Variants in STARD13 observed in about 807,000 individuals in gnomAD.
The protein encoded by STARD13 is StAR related lipid transfer domain containing 13, also known as stAR-related lipid transfer protein 13.
STARD13 carries 62 observed loss-of-function variants against 106.4 expected under a neutral mutation model. The observed-to-expected ratio is 0.58, with a 90% CI of 0.48 to 0.72. The LOEUF (loss-of-function observed/expected upper bound fraction) is 0.72, where lower values mean the gene tolerates loss of function less well. STARD13 is among the 30% of genes least tolerant of loss of function. STARD13 has a pLI of 0.00. For synonymous variants in STARD13, 565 were observed against 553.0 expected, an observed-to-expected ratio of 1.02 and a Z score of -0.31; for missense variants, 1,387 against 1,424.0, an observed-to-expected ratio of 0.97 and a Z score of 0.42.
At chr13:33,410,196 A>G in the STARD13 span, among the ~76,000 whole-genome samples, 3 of 152,344 alleles carry the variant, frequency 2.0e-5, no homozygotes, top group East Asian at 5.8e-4. Context: ...CTTCTGATAG[A>G]TGACTAGGTT....
At chr13:33,143,963 C>A (rs2138242832) in intron 3 of STARD13, among the ~76,000 whole-genome samples, 1 of 152,346 alleles carries the variant, frequency 6.6e-6, no homozygotes, top group East Asian at 1.9e-4. Context: ...CCTTGAAATT[C>A]TTTTCATCCT....
the STARD13 span, among the ~76,000 whole-genome samples, chr13:33,519,268 CTTTCTTT>C: frequency 7.1e-6 from 1 of 140,968 alleles, no homozygotes; most frequent in African/African-American, 2.7e-5. Flanking sequence ...TTCTTTCTTT[CTTTCTTT>C]TCTTTCTCTT....
At chr13:33,270,253 A>G (rs1260886166) in intron 1 of STARD13, among the ~76,000 whole-genome samples, 5 of 152,218 alleles carry the variant, frequency 3.3e-5, no homozygotes, top group African/African-American at 4.8e-5. Context: ...ACAAAAAAAC[A>G]AAACAAAACA....
At chr13:33,120,283 G>A (rs1047254414) in intron 7 of STARD13, among the ~76,000 whole-genome samples, 1 of 152,156 alleles carries the variant, frequency 6.6e-6, no homozygotes, top group African/African-American at 2.4e-5. Context: ...CGTGTCTTGC[G>A]GGCTGTTTCT....
chr13:33,253,737 A>G (rs1342452437), intron 1 of STARD13, among the ~76,000 whole-genome samples: 2 of 152,136 alleles, frequency 1.3e-5, no homozygotes, highest in Non-Finnish European at 2.9e-5. Context: ...CTACTGATTT[A>G]TGTCAAGGGT....
At chr13:33,171,604 C>G (rs930619975) in intron 1 of STARD13, among the ~76,000 whole-genome samples, 1 of 152,184 alleles carries the variant, frequency 6.6e-6, no homozygotes, top group Non-Finnish European at 1.5e-5. Context: ...GCCCTATCAC[C>G]ACCACCCACA....
the STARD13 span, among the ~76,000 whole-genome samples, chr13:33,529,101 C>T: frequency 6.6e-6 from 1 of 152,100 alleles, no homozygotes; most frequent in Non-Finnish European, 1.5e-5. Context: ...GTGTTATATA[C>T]TTTATGAGAG....
intron 8 of STARD13, 147 bp from the exon 9 acceptor site, chr13:33,113,078 A>G: frequency 1.7e-6 from 1 of 592,160 alleles, no homozygotes; most frequent in Non-Finnish European, 2.9e-6. Context: ...GAAAGGCACA[A>G]AGAAGTCAGT....
chr13:33,598,915 T>G, the STARD13 span, among the ~76,000 whole-genome samples: 1 of 152,308 alleles, frequency 6.6e-6, no homozygotes, highest in East Asian at 1.9e-4. Context: ...CCTAAAAAAT[T>G]TAGGTTCAAG....
the STARD13 span, among the ~76,000 whole-genome samples, chr13:33,376,252 A>G: frequency 2.6e-5 from 4 of 152,146 alleles, no homozygotes; most frequent in Non-Finnish European, 4.4e-5. Context: ...TTCATTCAGT[A>G]TTTTGCAAAT....
the STARD13 span, among the ~76,000 whole-genome samples, chr13:33,544,949 T>A: frequency 6.0e-5 from 9 of 150,816 alleles, no homozygotes; most frequent in African/African-American, 1.7e-4. Context: ...AATTTTTTTG[T>A]TTTATTTATT....
chr13:33,673,209 C>T, the STARD13 span, among the ~76,000 whole-genome samples: 11,520 of 152,214 alleles, frequency 0.076, 900 homozygotes, highest in East Asian at 0.25. Context: ...GTTTAATATT[C>T]TTATGTTCTT....
the STARD13 span, among the ~76,000 whole-genome samples, chr13:33,509,928 A>T: frequency 1.3e-5 from 2 of 152,190 alleles, no homozygotes; most frequent in Admixed American, 1.3e-4. Flanking sequence ...TAGGAAAGGG[A>T]GTTCCTCCCA....
chr13:33,608,855 G>A, the STARD13 span, among the ~76,000 whole-genome samples: 2 of 152,138 alleles, frequency 1.3e-5, no homozygotes, highest in Non-Finnish European at 2.9e-5. Context: ...GGGAGGCCGA[G>A]GCGGGAGGAT....
At chr13:33,584,744 C>A in the STARD13 span, among the ~76,000 whole-genome samples, 15 of 151,992 alleles carry the variant, frequency 9.9e-5, no homozygotes, top group African/African-American at 3.6e-4. Context: ...TATCCCTTGG[C>A]ATCAACATTT....
the STARD13 span, among the ~76,000 whole-genome samples, chr13:33,415,253 G>A: frequency 4.4e-4 from 67 of 152,200 alleles, no homozygotes; most frequent in African/African-American, 9.6e-4. Context: ...CTGTAGTCCC[G>A]GCTACTCAGG....
At chr13:33,261,936 C>G (rs1203020424) in intron 1 of STARD13, among the ~76,000 whole-genome samples, 2 of 152,210 alleles carry the variant, frequency 1.3e-5, no homozygotes, top group East Asian at 1.9e-4. Context: ...TTGCTCAACC[C>G]TAGAAGGCTT....
intron 1 of STARD13, among the ~76,000 whole-genome samples, chr13:33,209,972 G>A (rs9596962): frequency 0.34 from 51,873 of 151,974 alleles, 9,145 homozygotes; most frequent in Middle Eastern, 0.45. Flanking sequence ...ATCCTGTCTT[G>A]AAAAACAAAC....
At chr13:33,511,685 G>A in the STARD13 span, among the ~76,000 whole-genome samples, 1 of 151,904 alleles carries the variant, frequency 6.6e-6, no homozygotes, top group Admixed American at 6.6e-5. Flanking sequence ...ATCCTAGGCG[G>A]AGTCTCCCCA....
Sources: allele counts gnomAD v4.1 joint callset (sites outside exome capture counted in the v4.1 genomes callset), GRCh38; gene constraint gnomAD v4.1.1; transcripts MANE v1.5; gene names NCBI Gene and HGNC (gene_info 2026-07-23, HGNC 2026-07-21).